LRMDA: variants seen among roughly 807,000 people sequenced by gnomAD.
The protein encoded by LRMDA is leucine-rich melanocyte differentiation-associated protein.
LRMDA carries 18 observed loss-of-function variants against 29.8 expected under a neutral mutation model. That is an observed-to-expected ratio of 0.60 (90% CI 0.42 to 0.90). The LOEUF is 0.90. LRMDA is among the 40% of genes least tolerant of loss of function. The pLI is 0.00. For missense variants in LRMDA, 273 were observed against 273.9 expected (o/e 1.00, Z 0.02); for synonymous variants, 125 against 109.4 (o/e 1.14, Z -0.89).
intron 5 of LRMDA, among the ~76,000 whole-genome samples, chr10:76,125,048 A>G (rs1366281670): frequency 1.3e-5 from 2 of 152,244 alleles, no homozygotes; most frequent in African/African-American, 4.8e-5. Flanking sequence ...TAACTTTAAG[A>G]AGCTGACGCT....
chr10:75,687,724 A>G (rs1055615605), intron 2 of LRMDA, among the ~76,000 whole-genome samples: 6 of 152,216 alleles, frequency 3.9e-5, no homozygotes, highest in African/African-American at 1.4e-4. Context: ...GCCATCTAGG[A>G]CTTTCATAGC....
intron 5 of LRMDA, among the ~76,000 whole-genome samples, chr10:76,174,986 T>A (rs187362756): frequency 6.6e-6 from 1 of 152,266 alleles, no homozygotes; most frequent in Non-Finnish European, 1.5e-5. Flanking sequence ...CTGGGCATAG[T>A]GGCGTGCGCC....
chr10:76,363,153 GAAAGAAAGAAA>G (rs1841334722), intron 6 of LRMDA, among the ~76,000 whole-genome samples: 1 of 39,376 alleles, frequency 2.5e-5, no homozygotes, highest in Non-Finnish European at 5.0e-5. Context: ...AAGAAAGAAA[GAAAGAAAGAAA>G]GAAAGAAAGA....
chr10:75,918,903 A>G (rs776453384), intron 2 of LRMDA, among the ~76,000 whole-genome samples: 1 of 152,220 alleles, frequency 6.6e-6, no homozygotes, highest in Admixed American at 6.5e-5. Flanking sequence ...AGAAAAAAAA[A>G]GATGGAGCAG....
At chr10:76,250,821 T>G (rs1350592223) in intron 5 of LRMDA, among the ~76,000 whole-genome samples, 1 of 152,186 alleles carries the variant, frequency 6.6e-6, no homozygotes, top group East Asian at 1.9e-4. Flanking sequence ...TTTGTGGGAT[T>G]TATGCCTGGG....
Position 76,142,676 on chromosome 10 carries a change from T to TTACTGAGA in LRMDA, c.516+83893_516+83894insTACTGAGA, listed in dbSNP as rs1564664698. Reference sequence around the variant, plus strand: ...ATTCTCCAGAAGATGGTCATTATGTTATTATCTTTATTATTATTATTATTA... The same window carrying TTACTGAGA: ...ATTCTCCAGAAGATGGTCATTATGTTTACTGAGAATTATCTTTATTATTATTATTATTA... On this transcript the variant is annotated intron_variant, in intron 5 of 6. Transcript: ENST00000611255. Among the ~76,000 whole-genome samples the TTACTGAGA allele has an allele frequency of 8.8e-4, 84 of 95,112 alleles. 2 individuals are homozygous for TTACTGAGA. Among genetic ancestry groups the TTACTGAGA allele is most frequent in the African/African-American group, 4.0e-3 (81 of 20,358 alleles). 62.4% of individuals were successfully genotyped at this position (95,112 alleles called of 152,430 possible). A position where few individuals can be genotyped will look rare whatever the true frequency, so the allele number is the denominator to read the frequency against.
At chr10:76,400,263 C>G (rs1841834658) in intron 6 of LRMDA, among the ~76,000 whole-genome samples, 1 of 152,164 alleles carries the variant, frequency 6.6e-6, no homozygotes, top group Non-Finnish European at 1.5e-5. Flanking sequence ...ATCTTTTGAG[C>G]TTGGAAGCTT....
chr10:76,351,314 A>G (rs1356766686), intron 6 of LRMDA, among the ~76,000 whole-genome samples: 1 of 152,144 alleles, frequency 6.6e-6, no homozygotes, highest in Non-Finnish European at 1.5e-5. Flanking sequence ...CCTAGGATGG[A>G]CATTTTCTGT....
chr10:75,504,164 G>A (rs886286143), intron 2 of LRMDA, among the ~76,000 whole-genome samples: 1 of 151,918 alleles, frequency 6.6e-6, no homozygotes, highest in Non-Finnish European at 1.5e-5. Flanking sequence ...GGTAATGTTT[G>A]TATTATTTTT....
At chr10:76,226,145 G>A (rs569309503) in intron 5 of LRMDA, among the ~76,000 whole-genome samples, 1 of 152,060 alleles carries the variant, frequency 6.6e-6, no homozygotes, top group Non-Finnish European at 1.5e-5. Flanking sequence ...AAAGGAAAGA[G>A]ATTTAATTGA....
chr10:75,706,732 C>T (rs1426387184), intron 2 of LRMDA, among the ~76,000 whole-genome samples: 2 of 126,214 alleles, frequency 1.6e-5, no homozygotes, highest in Non-Finnish European at 3.3e-5. Context: ...ATTGGTACCA[C>T]TTTTTTTTTT....
intron 2 of LRMDA, among the ~76,000 whole-genome samples, chr10:75,995,502 C>T (rs1012277452): frequency 2.0e-5 from 3 of 152,208 alleles, no homozygotes; most frequent in Non-Finnish European, 4.4e-5. Context: ...GGTTATAAAT[C>T]TGGCTTTCAT....
At chr10:75,887,748 C>T (rs1300670568) in intron 2 of LRMDA, among the ~76,000 whole-genome samples, 1 of 152,132 alleles carries the variant, frequency 6.6e-6, no homozygotes, top group Non-Finnish European at 1.5e-5. Flanking sequence ...TGGTTCATAT[C>T]ACTGATTCTA....
Position 75,444,987 on chromosome 10 carries a change from G to A in LRMDA, c.131+6493G>A, listed in dbSNP as rs551403431. Among the ~76,000 whole-genome samples the A allele has an allele frequency of 3.3e-5, 5 of 152,256 alleles. No homozygotes were observed. The East Asian group carries it at 5.8e-4, about 18-fold the overall frequency. On this transcript the variant is annotated intron_variant, in intron 2 of 6. Transcript: ENST00000611255. ...CACCCAGGCTGGAATGCAGTGGAAC[G>A]ATCATGACTCACTGCAACTCAACCT...
chr10:76,427,615 C>T (rs549549775), intron 6 of LRMDA, among the ~76,000 whole-genome samples: 1 of 152,268 alleles, frequency 6.6e-6, no homozygotes, highest in African/African-American at 2.4e-5. Context: ...TGCCTGATTG[C>T]CCTGGCCAGA....
chr10:75,685,300 G>A (rs1417929856), intron 2 of LRMDA, among the ~76,000 whole-genome samples: 1 of 151,996 alleles, frequency 6.6e-6, no homozygotes, highest in Non-Finnish European at 1.5e-5. Flanking sequence ...TGTTCTCCTT[G>A]GGGATTTGAG....
chr10:76,161,514 C>T (rs1433638712), intron 5 of LRMDA, among the ~76,000 whole-genome samples: 2 of 152,182 alleles, frequency 1.3e-5, no homozygotes, highest in East Asian at 3.8e-4. Context: ...AACAAACAAA[C>T]AAACAAAACT....
At chr10:76,156,608 T>C (rs1850542515) in intron 5 of LRMDA, among the ~76,000 whole-genome samples, 1 of 152,112 alleles carries the variant, frequency 6.6e-6, no homozygotes, top group Admixed American at 6.6e-5. Flanking sequence ...ACCAACTCCA[T>C]GCCTGGCAGT....
chr10:76,204,753 G>C (rs1478600073), intron 5 of LRMDA, among the ~76,000 whole-genome samples: 2 of 152,196 alleles, frequency 1.3e-5, no homozygotes, highest in East Asian at 3.8e-4. Flanking sequence ...CCAATCTAGG[G>C]CTTAATTGTT....
Sources: allele counts gnomAD v4.1 joint callset (sites outside exome capture counted in the v4.1 genomes callset), GRCh38; gene constraint gnomAD v4.1.1; transcripts MANE v1.5; gene names NCBI Gene and HGNC (gene_info 2026-07-23, HGNC 2026-07-21).